Variants in MYO5B observed in about 807,000 individuals in gnomAD.
MYO5B encodes the protein myosin VB.
A neutral mutation model predicts 229.3 loss-of-function variants in MYO5B; 143 were observed. The ratio of observed to expected loss-of-function variants is 0.62; its 90% CI spans 0.54 to 0.72. MYO5B has a LOEUF of 0.72. Among genes scored for constraint, MYO5B ranks in the 30% least tolerant of loss-of-function variants. MYO5B has a pLI of 0.00. For synonymous variants in MYO5B, 918 were observed against 885.2 expected (o/e 1.04, Z -0.66); for missense variants, 2,321 against 2,331.0 (o/e 1.00, Z 0.09).
intron 1 of MYO5B, among the ~76,000 whole-genome samples, chr18:50,168,435 T>C (rs866912778): frequency 2.6e-5 from 4 of 152,382 alleles, no homozygotes; most frequent in Middle Eastern, 6.8e-3. Context: ...TGGATTCTCT[T>C]TGTCTCTCAT....
At chr18:49,921,828 A>C (rs1189540946) in intron 17 of MYO5B, among the ~76,000 whole-genome samples, 2 of 152,216 alleles carry the variant, frequency 1.3e-5, no homozygotes, top group Non-Finnish European at 1.5e-5. Flanking sequence ...AGGCTTCTGC[A>C]GTCCTGGGAT....
intron 1 of MYO5B, among the ~76,000 whole-genome samples, chr18:50,103,555 G>C (rs915972378): frequency 2.6e-5 from 4 of 152,184 alleles, no homozygotes; most frequent in Admixed American, 2.0e-4. Context: ...TTCAAGAGCA[G>C]CTAGGCAACA....
chr18:49,916,376 G>T (rs2025014292), intron 17 of MYO5B, among the ~76,000 whole-genome samples: 2 of 152,178 alleles, frequency 1.3e-5, no homozygotes, highest in African/African-American at 4.8e-5. Context: ...TGCGACTGGG[G>T]CCAGTCCCAG....
intron 9 of MYO5B, among the ~76,000 whole-genome samples, chr18:49,976,011 T>C (rs536742860): frequency 1.5e-4 from 23 of 152,378 alleles, no homozygotes; most frequent in South Asian, 4.1e-4. Context: ...CTTGGGGCAC[T>C]CTGAGAAAAC....
intron 22 of MYO5B, among the ~76,000 whole-genome samples, chr18:49,885,036 T>C (rs2024627919): frequency 6.6e-6 from 1 of 152,118 alleles, no homozygotes; most frequent in Non-Finnish European, 1.5e-5. Context: ...CTGGTGGGAA[T>C]ATAAAATGGT....
At chr18:50,081,677 T>A (rs552124413) in intron 1 of MYO5B, among the ~76,000 whole-genome samples, 12 of 152,258 alleles carry the variant, frequency 7.9e-5, no homozygotes, top group Admixed American at 7.8e-4. Context: ...GGGACAAAAG[T>A]ATTATTTCTG....
chr18:49,853,444 C>G lies in MYO5B; in HGVS notation c.4221+5G>C. On this transcript the variant is annotated splice_donor_5th_base_variant and intron_variant, in intron 31 of 39. Coordinates refer to ENST00000285039, the MANE Select transcript of MYO5B (RefSeq NM_001080467.3). ...AGCTGGGGTCCACTAGACATGGCTA[C>G]CCACCAGATTCTCGTTGGTCAGCCG... 6.2e-7 allele frequency: 1 copy of G among 1,613,732 alleles called. No homozygotes were observed. The highest frequency in any genetic ancestry group is 8.5e-7 in the Non-Finnish European group (1 of 1,179,972).
At chr18:49,833,338 C>T (rs570507774) in intron 39 of MYO5B, among the ~76,000 whole-genome samples, 1 of 152,200 alleles carries the variant, frequency 6.6e-6, no homozygotes, top group African/African-American at 2.4e-5. Flanking sequence ...TAACAAGTAA[C>T]TTGTCTTTAT....
At chr18:49,912,003 C>T in intron 18 of MYO5B, 59 bp downstream of exon 18, 1 of 1,286,404 alleles carries the variant, frequency 7.8e-7, no homozygotes, top group African/African-American at 1.5e-5. Context: ...ACGACGCCAC[C>T]CCCTCAATCT....
At chr18:49,864,468 C>T in intron 27 of MYO5B, 88 bp from the exon 28 acceptor site, 8 of 1,559,680 alleles carry the variant, frequency 5.1e-6, no homozygotes, top group Non-Finnish European at 7.0e-6. Flanking sequence ...CTTCTTTTGT[C>T]CACTGGGAAA....
intron 5 of MYO5B, among the ~76,000 whole-genome samples, chr18:49,994,091 A>G (rs566641356): frequency 2.0e-5 from 3 of 151,972 alleles, no homozygotes; most frequent in East Asian, 1.9e-4. Context: ...ATCTTCCTTC[A>G]GGTCTCAGCA....
chr18:50,174,605 G>A (rs1006752090), intron 1 of MYO5B, among the ~76,000 whole-genome samples: 3 of 152,088 alleles, frequency 2.0e-5, no homozygotes, highest in Non-Finnish European at 2.9e-5. Context: ...AATATAAGAC[G>A]ACACTGCTGT....
chr18:49,968,407 A>G (rs1420048777), intron 10 of MYO5B, among the ~76,000 whole-genome samples: 1 of 152,228 alleles, frequency 6.6e-6, no homozygotes, highest in Non-Finnish European at 1.5e-5. Context: ...TCTACATGTA[A>G]GTGTGCATTC....
chr18:49,891,089 G>A (rs865954554), intron 22 of MYO5B, among the ~76,000 whole-genome samples: 1 of 152,128 alleles, frequency 6.6e-6, no homozygotes. Context: ...TCCTGACCTG[G>A]CCGCACTGTG....
Position 49,864,210 on chromosome 18 carries a change from C to T in MYO5B, c.3774G>A (p.Lys1258=), listed in dbSNP as rs376452880. ...GGGTCCTGAGGATGAGCACCTCCTC[C>T]TTGCGCACCTCGAGCTCCTCGTGGG... ...KLAHEELEVR[K]EEVLILRTQI... Residue 1258 remains lysine (K), a synonymous_variant, in exon 28 of 40, where the codon AAG becomes AAA. Transcript: ENST00000285039. 7.4e-6 allele frequency: 12 copies of T among 1,613,662 alleles called. No homozygotes were observed. The African/African-American group carries it at 1.3e-4, about 18-fold the overall frequency.
chr18:49,848,476 T>C (rs1306472054), intron 32 of MYO5B, among the ~76,000 whole-genome samples: 1 of 152,124 alleles, frequency 6.6e-6, no homozygotes, highest in Non-Finnish European at 1.5e-5. Flanking sequence ...GAACTCCTAG[T>C]GGCTGAAGGG....
At chr18:50,191,643 G>T (rs66464140) in intron 1 of MYO5B, among the ~76,000 whole-genome samples, 1 of 151,640 alleles carries the variant, frequency 6.6e-6, no homozygotes, top group African/African-American at 2.4e-5. Context: ...CTAGGGCTCC[G>T]AAGATTAAGG....
At chr18:50,176,016 A>G (rs150358570) in intron 1 of MYO5B, among the ~76,000 whole-genome samples, 5 of 152,332 alleles carry the variant, frequency 3.3e-5, no homozygotes, top group East Asian at 1.9e-4. Context: ...TCCCTAGACT[A>G]TAAGTCCTGG....
intron 4 of MYO5B, among the ~76,000 whole-genome samples, chr18:50,013,303 C>A (rs1400223709): frequency 6.6e-6 from 1 of 152,206 alleles, no homozygotes; most frequent in African/African-American, 2.4e-5. Context: ...GGAGTGGTAA[C>A]ATCTGGGAAA....
Sources: allele counts gnomAD v4.1 joint callset (sites outside exome capture counted in the v4.1 genomes callset), GRCh38; gene constraint gnomAD v4.1.1; transcripts MANE v1.5; gene names NCBI Gene and HGNC (gene_info 2026-07-23, HGNC 2026-07-21).